Variants in TCEA1 observed in about 807,000 individuals in gnomAD.
TCEA1 encodes the protein transcription elongation factor A protein 1.
Under a neutral mutation model 43.8 loss-of-function variants are expected in TCEA1, and 21 were observed. That is an observed-to-expected ratio of 0.48 (90% CI 0.34 to 0.69). TCEA1 has a LOEUF of 0.69. Among genes scored for constraint, TCEA1 ranks in the 30% least tolerant of loss-of-function variants. The probability of loss-of-function intolerance (pLI) is 0.01; values close to 1 mark genes in which losing one functional copy is unlikely to be tolerated. For synonymous variants in TCEA1, 104 were observed against 117.5 expected (o/e 0.88, Z 0.75); for missense variants, 250 against 365.1 (o/e 0.68, Z 2.57).
In TCEA1 at chr8:54,022,284, C is replaced by CGGA; in HGVS notation, c.-160_-159insTCC. The CGGA allele has an allele frequency of 1.3e-6, 1 of 786,264 alleles. No individual in the cohort carries two copies. Among genetic ancestry groups the CGGA allele is most frequent in the Non-Finnish European group, 2.0e-6 (1 of 489,116 alleles). 48.7% of individuals were successfully genotyped at this position (786,264 alleles called of 1,614,324 possible). On this transcript the variant is annotated 5_prime_UTR_variant, in exon 1 of 10. Transcript: ENST00000521604. ...TCCTTACGAACGAAGCCCGCGGCGG[C>CGGA]GGCGGCGGCGGCGGCGGCTCCGGCT...
chr8:53,999,307 G>A (rs1216059962), intron 3 of TCEA1, among the ~76,000 whole-genome samples: 3 of 147,318 alleles, frequency 2.0e-5, no homozygotes, highest in African/African-American at 2.5e-5. Context: ...AAAAACAAAA[G>A]AACTATAAAA....
At chr8:54,019,757 G>A (rs1377214897) in intron 1 of TCEA1, among the ~76,000 whole-genome samples, 1 of 152,112 alleles carries the variant, frequency 6.6e-6, no homozygotes, top group South Asian at 2.1e-4. Context: ...GGGGAAAAGA[G>A]GAGTGTCATT....
chr8:54,008,849 A>ATTTTT (rs1475756551), intron 2 of TCEA1, among the ~76,000 whole-genome samples: 1 of 147,674 alleles, frequency 6.8e-6, no homozygotes, highest in Non-Finnish European at 1.5e-5. Flanking sequence ...TTATTTATTT[A>ATTTTT]TTTATTTTTT....
At chr8:54,004,170 C>T (rs1804365299) in intron 2 of TCEA1, among the ~76,000 whole-genome samples, 3 of 152,254 alleles carry the variant, frequency 2.0e-5, no homozygotes, top group South Asian at 2.1e-4. Context: ...CTGGACCCCT[C>T]GTTTACTGCT....
At chr8:53,994,500 G>C (rs532057455) in intron 3 of TCEA1, among the ~76,000 whole-genome samples, 95 of 152,148 alleles carry the variant, frequency 6.2e-4, no homozygotes, top group African/African-American at 2.2e-3. Flanking sequence ...AATACCTCAG[G>C]ATGAGTAAGA....
intron 7 of TCEA1, among the ~76,000 whole-genome samples, chr8:53,981,838 C>A (rs1417241576): frequency 6.6e-6 from 1 of 151,992 alleles, no homozygotes; most frequent in South Asian, 2.1e-4. Flanking sequence ...CTGAAACCTC[C>A]ACCTCTTGGC....
intron 7 of TCEA1, among the ~76,000 whole-genome samples, chr8:53,980,371 T>G (rs753588886): frequency 3.6e-4 from 55 of 152,266 alleles, no homozygotes; most frequent in Non-Finnish European, 6.3e-4. Context: ...TATTGCACTT[T>G]GCAGTTACTG....
At chr8:54,014,071 T>G (rs1342279531) in intron 1 of TCEA1, among the ~76,000 whole-genome samples, 2 of 152,102 alleles carry the variant, frequency 1.3e-5, no homozygotes, top group Admixed American at 1.3e-4. Context: ...ACAGAAATCT[T>G]TAATCATCTA....
Position 54,022,396 on chromosome 8 carries a change from C to A in TCEA1, c.-271G>T, listed in dbSNP as rs922142832. ...TGCAGATCGCTGGTGAGGGGCGAGC[C>A]CATGTTCCCGCCAGGCGGGCGTCGG... is the stretch of plus-strand genomic sequence containing the variant. On this transcript the variant is annotated 5_prime_UTR_variant, in exon 1 of 10. Coordinates refer to ENST00000521604, the MANE Select transcript of TCEA1 (RefSeq NM_006756.4). 2 of 504,350 alleles carry A rather than the reference C, an allele frequency of 4.0e-6. No individual in the cohort carries two copies. Among genetic ancestry groups the A allele is most frequent in the Non-Finnish European group, 7.0e-6 (2 of 286,294 alleles). 31.2% of individuals were successfully genotyped at this position (504,350 alleles called of 1,614,324 possible). A position where few individuals can be genotyped will look rare whatever the true frequency, so the allele number is the denominator to read the frequency against.
At chr8:53,992,369 T>C (rs1452867911) in intron 4 of TCEA1, among the ~76,000 whole-genome samples, 1 of 151,750 alleles carries the variant, frequency 6.6e-6, no homozygotes, top group Non-Finnish European at 1.5e-5. Context: ...TCCCAGCACT[T>C]TGGGACACTG....
intron 9 of TCEA1, among the ~76,000 whole-genome samples, chr8:53,969,319 T>C (rs529616097): frequency 1.3e-4 from 20 of 152,004 alleles, no homozygotes; most frequent in African/African-American, 4.1e-4. Flanking sequence ...TAAAACAAAA[T>C]AGGTACTGGC....
intron 8 of TCEA1, chr8:53,972,591 G>A: frequency 3.5e-6 from 2 of 564,302 alleles, no homozygotes; most frequent in East Asian, 4.4e-5. Flanking sequence ...TAAAGGAGGT[G>A]TTATATTTCC....
Position 53,979,065 on chromosome 8 carries a change from G to A in TCEA1, c.785C>T (p.Thr262Ile). 6.2e-7 allele frequency: 1 copy of A among 1,613,082 alleles called. No homozygotes were observed. The highest frequency in any genetic ancestry group is 8.5e-7 in the Non-Finnish European group (1 of 1,179,242). ...ATTCTTCTTTTTACATTTGCCACATGTGAACAAGTCAGTCTGGGTCCCACC... is the reference window on the plus strand; with the variant it reads ...ATTCTTCTTTTTACATTTGCCACATATGAACAAGTCAGTCTGGGTCCCACC... ...KTGGTQTDLF[T>I]CGKCKKKNCT... The change falls in exon 8 of 10, where the codon ACA (threonine) becomes ATA (isoleucine). Residue 262 changes from threonine (T) to isoleucine (I), a missense_variant. Around this residue, in one of 4 missense-constraint regions of TCEA1, gnomAD observed 46 missense variants for 109.8 expected, o/e 0.42. Transcript: ENST00000521604.
intron 8 of TCEA1, among the ~76,000 whole-genome samples, chr8:53,977,578 C>T (rs145115921): frequency 1.7e-4 from 26 of 152,178 alleles, no homozygotes; most frequent in African/African-American, 5.8e-4. Flanking sequence ...AATGTTCTAT[C>T]GGTGAAAAAA....
intron 8 of TCEA1, chr8:53,972,676 T>G: frequency 1.6e-6 from 1 of 630,056 alleles, no homozygotes; most frequent in Non-Finnish European, 3.1e-6. Context: ...GTAGAGCTAT[T>G]AAGTGTTCCT....
chr8:53,980,404 T>C (rs1293712414), intron 7 of TCEA1, among the ~76,000 whole-genome samples: 1 of 152,270 alleles, frequency 6.6e-6, no homozygotes, highest in Non-Finnish European at 1.5e-5. Flanking sequence ...ATTGAAGGTC[T>C]GCAGCAATGC....
chr8:54,000,960 C>T (rs531509378), intron 2 of TCEA1, among the ~76,000 whole-genome samples: 20 of 152,034 alleles, frequency 1.3e-4, no homozygotes, highest in African/African-American at 4.8e-4. Flanking sequence ...GACTGCACCA[C>T]GTTGGCCAGG....
At chr8:54,014,804 A>G (rs1393171976) in intron 1 of TCEA1, among the ~76,000 whole-genome samples, 1 of 152,206 alleles carries the variant, frequency 6.6e-6, no homozygotes, top group African/African-American at 2.4e-5. Context: ...TTAGATTCAA[A>G]TCCATGCTCT....
intron 1 of TCEA1, among the ~76,000 whole-genome samples, chr8:54,012,962 CAAAAAAAAA>C (rs72062714): frequency 3.9e-5 from 3 of 76,966 alleles, no homozygotes; most frequent in Admixed American, 1.3e-4. Flanking sequence ...ACGACGACGA[CAAAAAAAAA>C]AAAAAAAAAA....
Sources: gnomAD v4.1 joint callset for allele counts (sites outside exome capture counted in the v4.1 genomes callset) on GRCh38, gnomAD v4.1.1 for gene constraint, gnomAD v4.1.1 regional missense constraint, MANE v1.5 for transcripts, NCBI Gene and HGNC (gene_info 2026-07-23, HGNC 2026-07-21) for gene names.